The following RNF111 variants were observed in gnomAD, a reference collection of about 807,000 sequenced individuals.
The protein encoded by RNF111 is E3 ubiquitin-protein ligase Arkadia.
Under a neutral mutation model 95.1 loss-of-function variants are expected in RNF111, and 17 were observed. That is an observed-to-expected ratio of 0.18 (90% CI 0.12 to 0.27). RNF111 has a LOEUF of 0.27. Among genes scored for constraint, RNF111 ranks in the 10% least tolerant of loss-of-function variants. The pLI is 1.00. For missense variants in RNF111, 1,189 were observed against 1,210.4 expected (o/e 0.98, Z 0.26); for synonymous variants, 440 against 414.8 (o/e 1.06, Z -0.74).
intron 2 of RNF111, among the ~76,000 whole-genome samples, chr15:59,040,888 G>T (rs746209290): frequency 6.6e-6 from 1 of 151,826 alleles, no homozygotes; most frequent in East Asian, 1.9e-4. Context: ...ATTTAATTTC[G>T]CTTTTTAAAT....
intron 1 of RNF111, among the ~76,000 whole-genome samples, chr15:58,992,345 A>G (rs963218919): frequency 7.9e-5 from 12 of 152,070 alleles, no homozygotes; most frequent in Admixed American, 1.3e-4. Flanking sequence ...GTGCCCAGCA[A>G]TGTCTGTTAT....
At chr15:59,036,686 A>G (rs149935426) in intron 2 of RNF111, among the ~76,000 whole-genome samples, 200 of 152,258 alleles carry the variant, frequency 1.3e-3, no homozygotes, top group African/African-American at 4.5e-3. Context: ...CGGTGCATCA[A>G]TATTTATTGG....
intron 2 of RNF111, among the ~76,000 whole-genome samples, chr15:59,035,626 G>A (rs374249787): frequency 1.3e-5 from 2 of 152,144 alleles, no homozygotes; most frequent in African/African-American, 2.4e-5. Flanking sequence ...GCTTCCTCTC[G>A]AATGGTTTGC....
At chr15:59,030,724 G>T in intron 1 of RNF111, 80 bp from the exon 2 acceptor site, 1 of 972,496 alleles carries the variant, frequency 1.0e-6, no homozygotes, top group Non-Finnish European at 1.5e-6. Flanking sequence ...GATCTTCTTG[G>T]TGGAATTTGA....
Position 59,055,888 on chromosome 15 carries a change from G to C in RNF111, c.1171+43G>C, listed in dbSNP as rs373511136. ...CAGTAGAAAATTATGAAAGGAGTTT[G>C]ATAAAAGGAAATCTCTTAATATGCT... is the stretch of plus-strand genomic sequence containing the variant. On this transcript the variant is annotated intron_variant, in intron 4 of 13. Coordinates refer to ENST00000348370, the MANE Select transcript of RNF111 (RefSeq NM_017610.8). 1.4e-5 allele frequency: 21 copies of C among 1,500,904 alleles called. No individual in the cohort carries two copies. In the African/African-American group the frequency reaches 2.5e-4, roughly 18 times the overall value. 93.0% of individuals were successfully genotyped at this position (1,500,904 alleles called of 1,614,324 possible). A position where few individuals can be genotyped will look rare whatever the true frequency, so the allele number is the denominator to read the frequency against.
chr15:58,997,091 AT>A (rs1555466396), intron 1 of RNF111, among the ~76,000 whole-genome samples: 3 of 151,900 alleles, frequency 2.0e-5, no homozygotes. Context: ...TTTTAAGTTA[AT>A]TTTTTCAGAG....
At chr15:59,094,066 A>G (rs1414790333) in intron 13 of RNF111, among the ~76,000 whole-genome samples, 1 of 152,172 alleles carries the variant, frequency 6.6e-6, no homozygotes, top group Non-Finnish European at 1.5e-5. Flanking sequence ...ATGTTACCCT[A>G]TCTTGCTTGG....
chr15:59,014,360 G>A (rs573360355), intron 1 of RNF111, among the ~76,000 whole-genome samples: 1 of 152,304 alleles, frequency 6.6e-6, no homozygotes, highest in Non-Finnish European at 1.5e-5. Flanking sequence ...TGAGCACTAG[G>A]ACTTAGTGCC....
chr15:59,065,676 A>G (rs1440550586), intron 5 of RNF111, among the ~76,000 whole-genome samples: 2 of 152,260 alleles, frequency 1.3e-5, no homozygotes, highest in Non-Finnish European at 1.5e-5. Flanking sequence ...CATTTCTTAC[A>G]TTCTATTGGT....
intron 2 of RNF111, among the ~76,000 whole-genome samples, chr15:59,037,403 G>T (rs191025352): frequency 1.3e-5 from 2 of 152,186 alleles, no homozygotes; most frequent in Admixed American, 1.3e-4. Flanking sequence ...TTTGAGAATA[G>T]GTGTTAATTT....
chr15:58,998,384 A>G (rs2039177238), intron 1 of RNF111, among the ~76,000 whole-genome samples: 1 of 151,688 alleles, frequency 6.6e-6, no homozygotes, highest in South Asian at 2.1e-4. Context: ...ATTTTTCCTT[A>G]TCCTCTCCCT....
intron 1 of RNF111, among the ~76,000 whole-genome samples, chr15:58,993,206 T>C (rs146027904): frequency 5.9e-5 from 9 of 151,394 alleles, no homozygotes; most frequent in Admixed American, 4.6e-4. Flanking sequence ...ATAAAAATGT[T>C]TTAAAATAAT....
chr15:59,045,436 G>A (rs763497185), intron 2 of RNF111, among the ~76,000 whole-genome samples: 29 of 152,006 alleles, frequency 1.9e-4, no homozygotes, highest in African/African-American at 6.8e-4. Flanking sequence ...TGATCTGCCC[G>A]TCTTAGCCTC....
intron 13 of RNF111, among the ~76,000 whole-genome samples, chr15:59,093,150 G>A (rs1351384132): frequency 6.6e-6 from 1 of 152,170 alleles, no homozygotes; most frequent in South Asian, 2.1e-4. Context: ...ATGGGAGTGG[G>A]AAATATACTG....
chr15:59,002,656 T>C (rs1476663704), intron 1 of RNF111, among the ~76,000 whole-genome samples: 3 of 152,118 alleles, frequency 2.0e-5, no homozygotes, highest in Admixed American at 6.6e-5. Flanking sequence ...TTCTGTAATC[T>C]TCAGTTCCCT....
chr15:59,023,413 C>T (rs1482975431), intron 1 of RNF111, among the ~76,000 whole-genome samples: 3 of 152,026 alleles, frequency 2.0e-5, no homozygotes, highest in Admixed American at 2.0e-4. Context: ...AAATTTCATA[C>T]CAGATATTAA....
Position 59,076,006 on chromosome 15 carries a change from G to A in RNF111, c.1739G>A (p.Gly580Asp). The A allele has an allele frequency of 1.2e-6, 2 of 1,614,174 alleles. No individual in the cohort carries two copies. Among genetic ancestry groups the A allele is most frequent in the Non-Finnish European group, 8.5e-7 (1 of 1,180,022 alleles). ...SNSGIRSHGS[G>D]SFHGASAFDP... is the part of the protein sequence containing the mutation. ...AGTGGTATCAGAAGTCATGGAAGTGGCAGTTTTCATGGAGCATCTGCATTT... is the reference window on the plus strand; with the variant it reads ...AGTGGTATCAGAAGTCATGGAAGTGACAGTTTTCATGGAGCATCTGCATTT... Residue 580 changes from glycine to aspartate, a missense_variant, in exon 7 of 14, where the codon GGC (glycine) becomes GAC (aspartate). By Grantham distance (94) the Gly-to-Asp change is moderately conservative (BLOSUM62 -1). Coordinates refer to ENST00000348370, the MANE Select transcript of RNF111 (RefSeq NM_017610.8).
chr15:59,085,893 A>G lies in RNF111; in HGVS notation c.2550+108A>G, dbSNP rs528685853. On this transcript the variant is annotated intron_variant, in intron 10 of 13. Transcript: ENST00000348370. ...AATATAGATGTTTTAATAGAATTTG[A>G]GAGTAATCTTGTTAGCTAAAATTGT... is the stretch of plus-strand genomic sequence containing the variant. The G allele has an allele frequency of 1.2e-5, 12 of 972,226 alleles. No individual in the cohort carries two copies. In the African/African-American group the frequency reaches 1.7e-4, roughly 13 times the overall value. The allele number at this position is 972,226 out of a possible 1,614,324, so 60.2% of individuals were successfully genotyped here.
intron 1 of RNF111, among the ~76,000 whole-genome samples, chr15:59,016,173 T>C (rs1411209832): frequency 6.7e-6 from 1 of 149,756 alleles, no homozygotes; most frequent in Admixed American, 6.6e-5. Context: ...TATATATATA[T>C]AGTTTTTTTT....
Sources: allele counts gnomAD v4.1 joint callset (sites outside exome capture counted in the v4.1 genomes callset), GRCh38; gene constraint gnomAD v4.1.1; transcripts MANE v1.5; gene names NCBI Gene and HGNC (gene_info 2026-07-23, HGNC 2026-07-21).